PCNX2: variants seen among roughly 807,000 people sequenced by gnomAD.
The protein encoded by PCNX2 is pecanex 2.
A neutral mutation model predicts 223.8 loss-of-function variants in PCNX2; 168 were observed. The ratio of observed to expected loss-of-function variants is 0.75; its 90% CI spans 0.66 to 0.85. The LOEUF (loss-of-function observed/expected upper bound fraction) is 0.85. Among genes scored for constraint, PCNX2 ranks in the 40% least tolerant of loss-of-function variants. PCNX2 has a pLI of 0.00. For synonymous variants in PCNX2, 1,006 were observed against 1,052.6 expected (o/e 0.96, Z 0.86); for missense variants, 2,507 against 2,675.5 (o/e 0.94, Z 1.39).
chr1:233,256,077 T>C (rs1044393339), intron 5 of PCNX2, among the ~76,000 whole-genome samples: 9 of 152,180 alleles, frequency 5.9e-5, no homozygotes, highest in African/African-American at 2.2e-4. Context: ...TACCTTCAAG[T>C]TCTTGATAAC....
At chr1:233,085,086 G>A (rs765288762) in intron 23 of PCNX2, among the ~76,000 whole-genome samples, 18 of 152,156 alleles carry the variant, frequency 1.2e-4, no homozygotes, top group Non-Finnish European at 2.4e-4. Context: ...TGTAATCTCA[G>A]CACTTTGGGA....
intron 19 of PCNX2, among the ~76,000 whole-genome samples, chr1:233,141,938 A>G (rs1163357569): frequency 6.6e-6 from 1 of 152,120 alleles, no homozygotes; most frequent in Non-Finnish European, 1.5e-5. Flanking sequence ...ACACTCCAAC[A>G]ATGAGCTTAA....
the PCNX2 span, among the ~76,000 whole-genome samples, chr1:233,323,887 A>G: frequency 6.6e-6 from 1 of 152,352 alleles, no homozygotes; most frequent in East Asian, 1.9e-4. Context: ...CTTAGTGAGG[A>G]AGGCACGTGA....
At position 233,064,662 on chromosome 1, in the gene PCNX2, T is replaced by C. The variant is rs548929797; in HGVS notation, c.4077-7372A>G. ...AGGCAGTGATAGTGGGTTTTGCTGT[T>C]TTCTGCTCCCTCTTTCTTTCTAGCC... On this transcript the variant is annotated intron_variant, in intron 23 of 33. Transcript: ENST00000258229. 2.6e-5 allele frequency among the ~76,000 whole-genome samples: 4 copies of C among 152,296 alleles called. No homozygotes were observed. The South Asian group carries it at 6.2e-4, about 24-fold the overall frequency.
At chr1:233,148,817 T>G (rs1324642890) in intron 19 of PCNX2, among the ~76,000 whole-genome samples, 2 of 152,200 alleles carry the variant, frequency 1.3e-5, no homozygotes, top group African/African-American at 2.4e-5. Context: ...TAAATGAAAC[T>G]CATACTGAAT....
intron 23 of PCNX2, among the ~76,000 whole-genome samples, chr1:233,084,174 G>C (rs970031491): frequency 1.3e-5 from 2 of 152,164 alleles, no homozygotes; most frequent in Admixed American, 1.3e-4. Flanking sequence ...CTAACCGAGC[G>C]TATGTGCTGG....
At chr1:233,166,143 T>C (rs991339479) in intron 17 of PCNX2, among the ~76,000 whole-genome samples, 2 of 152,092 alleles carry the variant, frequency 1.3e-5, no homozygotes, top group African/African-American at 4.8e-5. Flanking sequence ...TAATCTTTTC[T>C]ATGAAAGGTG....
chr1:233,276,073 G>A (rs777213346), intron 1 of PCNX2, among the ~76,000 whole-genome samples: 1 of 151,954 alleles, frequency 6.6e-6, no homozygotes, highest in African/African-American at 2.4e-5. Context: ...CAACTCTAAT[G>A]TCCTTCAACA....
At chr1:233,145,050 C>T (rs1189268612) in intron 19 of PCNX2, among the ~76,000 whole-genome samples, 1 of 151,164 alleles carries the variant, frequency 6.6e-6, no homozygotes, top group Admixed American at 6.6e-5. Flanking sequence ...CTGCAAGCTC[C>T]GTCTCCCGGG....
chr1:233,247,738 C>T (rs1487146940), intron 8 of PCNX2, among the ~76,000 whole-genome samples: 1 of 151,936 alleles, frequency 6.6e-6, no homozygotes, highest in African/African-American at 2.4e-5. Flanking sequence ...ATTAGCCAGG[C>T]GTGGGGGCGG....
chr1:233,085,654 G>A (rs2102930386), intron 23 of PCNX2, among the ~76,000 whole-genome samples: 1 of 152,212 alleles, frequency 6.6e-6, no homozygotes, highest in East Asian at 1.9e-4. Context: ...GAACTTCTGA[G>A]GCTAGGCCAG....
At chr1:233,255,118 A>G in intron 5 of PCNX2, among the ~76,000 whole-genome samples, 1 of 152,182 alleles carries the variant, frequency 6.6e-6, no homozygotes, top group East Asian at 1.9e-4. Context: ...TGCACAAGTC[A>G]GGCTTGTAGG....
intron 21 of PCNX2, among the ~76,000 whole-genome samples, chr1:233,102,716 T>A (rs530095903): frequency 6.6e-5 from 10 of 152,292 alleles, no homozygotes; most frequent in African/African-American, 2.4e-4. Context: ...GTTATTAATT[T>A]TTTTTGCTAT....
chr1:232,996,854 G>A (rs965894173), intron 32 of PCNX2, among the ~76,000 whole-genome samples: 11 of 152,154 alleles, frequency 7.2e-5, no homozygotes, highest in South Asian at 4.1e-4. Context: ...TTACAAATGC[G>A]GGACAAAGAT....
chr1:233,212,662 C>A (rs2102918999), intron 12 of PCNX2, among the ~76,000 whole-genome samples: 1 of 152,304 alleles, frequency 6.6e-6, no homozygotes, highest in South Asian at 2.1e-4. Flanking sequence ...GCACTGCCCT[C>A]AAAGGCAGTG....
chr1:233,103,871 T>C (rs1674626995), intron 21 of PCNX2, among the ~76,000 whole-genome samples: 1 of 152,198 alleles, frequency 6.6e-6, no homozygotes. Flanking sequence ...CTGTTCTCTA[T>C]AGTGGTTTAC....
At chr1:233,132,198 G>C (rs1676545811) in intron 21 of PCNX2, among the ~76,000 whole-genome samples, 1 of 152,038 alleles carries the variant, frequency 6.6e-6, no homozygotes, top group African/African-American at 2.4e-5. Flanking sequence ...CCTGACTTCA[G>C]GTAATCTACC....
intron 9 of PCNX2, among the ~76,000 whole-genome samples, 178 bp from the exon 10 acceptor site, chr1:233,227,549 ATACTC>A (rs146177977): frequency 0.019 from 2,910 of 152,312 alleles, 101 homozygotes; most frequent in African/African-American, 0.066. Context: ...TTCAAACTAA[ATACTC>A]TAAGAAAAGG....
chr1:233,257,386 T>C (rs1421041212), intron 5 of PCNX2, among the ~76,000 whole-genome samples: 1 of 152,182 alleles, frequency 6.6e-6, no homozygotes, highest in Non-Finnish European at 1.5e-5. Flanking sequence ...CTGTATAATT[T>C]ATCATCTAAA....
Sources: gnomAD v4.1 joint callset for allele counts (sites outside exome capture counted in the v4.1 genomes callset) on GRCh38, gnomAD v4.1.1 for gene constraint, MANE v1.5 for transcripts, NCBI Gene and HGNC (gene_info 2026-07-23, HGNC 2026-07-21) for gene names.